MICAL2: variants seen among roughly 807,000 people sequenced by gnomAD.
MICAL2 encodes the protein microtubule associated monooxygenase, calponin and LIM domain containing 2.
MICAL2 carries 77 observed loss-of-function variants against 127.3 expected under a neutral mutation model. The ratio of observed to expected loss-of-function variants is 0.60; its 90% CI spans 0.50 to 0.73. The LOEUF (loss-of-function observed/expected upper bound fraction) is 0.73. MICAL2 is among the 30% of genes least tolerant of loss of function. The probability of loss-of-function intolerance (pLI) is 0.00; values close to 1 mark genes in which losing one functional copy is unlikely to be tolerated. For synonymous variants in MICAL2, 570 were observed against 551.1 expected, an observed-to-expected ratio of 1.03 and a Z score of -0.48; for missense variants, 1,351 against 1,434.4, an observed-to-expected ratio of 0.94 and a Z score of 0.94.
chr11:12,319,121 T>C (rs991467924), intron 29 of MICAL2, among the ~76,000 whole-genome samples: 2 of 152,168 alleles, frequency 1.3e-5, no homozygotes, highest in Non-Finnish European at 1.5e-5. Context: ...CTTAGAGTCC[T>C]TTTGCTTCTG....
Position 12,316,333 on chromosome 11 carries a change from CA to C in MICAL2, c.5213-3361del, listed in dbSNP as rs1186578594. On this transcript the variant is annotated intron_variant, in intron 29 of 34. Transcript: ENST00000646065. Reference sequence around the variant, plus strand: ...ATATCTTTTGATTTCTTTGTGTCTTCAATTTCTTTTATTAATGTTTTATGAT... The same window carrying C: ...ATATCTTTTGATTTCTTTGTGTCTTCATTTCTTTTATTAATGTTTTATGAT... 4.0e-5 allele frequency among the ~76,000 whole-genome samples: 6 copies of C among 151,090 alleles called. No homozygotes were observed. In the East Asian group the frequency reaches 1.2e-3, roughly 29 times the overall value.
In MICAL2 at chr11:12,330,979, G is replaced by C. The variant is rs531670495; in HGVS notation, c.5515+3713G>C. On this transcript the variant is annotated intron_variant, in intron 32 of 34. Coordinates refer to the MICAL2 transcript ENST00000646065. Reference sequence around the variant, plus strand: ...TGTGATGTCTTTGACAGAGGTAAGAGAGTCCCCTCTTGGTCCTAGCTGCCC... The same window carrying C: ...TGTGATGTCTTTGACAGAGGTAAGACAGTCCCCTCTTGGTCCTAGCTGCCC... Among the ~76,000 whole-genome samples the C allele has an allele frequency of 5.7e-4, 87 of 151,960 alleles. 1 individual carries two copies. The highest frequency in any genetic ancestry group is 5.7e-4 in the Non-Finnish European group (39 of 67,964).
intron 2 of MICAL2, among the ~76,000 whole-genome samples, 165 bp downstream of exon 2, chr11:12,138,625 G>C (rs747759807): frequency 6.6e-6 from 1 of 152,182 alleles, no homozygotes; most frequent in Non-Finnish European, 1.5e-5. Context: ...CACTCCCCTA[G>C]CGCTGTGTTC....
rs1237091928 is a variant in MICAL2, at chr11:12,131,225, G to A, written c.-148-7165G>A. On this transcript the variant is annotated intron_variant, in intron 1 of 27. Coordinates refer to ENST00000683283, the MANE Select transcript of MICAL2 (RefSeq NM_001282663.2). ...GGAGAATGGCGTGAACCCGGGAGGCGGAGCTTGCAGTGAGCCGAGATTGCG... is the reference window on the plus strand; with the variant it reads ...GGAGAATGGCGTGAACCCGGGAGGCAGAGCTTGCAGTGAGCCGAGATTGCG... Among the ~76,000 whole-genome samples the A allele has an allele frequency of 2.1e-4, 8 of 38,164 alleles. 4 individuals are homozygous for A. Among genetic ancestry groups the A allele is most frequent in the Non-Finnish European group, 6.7e-4 (8 of 11,888 alleles). The allele number at this position is 38,164 out of a possible 152,430, so 25.0% of individuals were successfully genotyped here.
At chr11:12,301,105 A>C (rs1864041442) in intron 29 of MICAL2, among the ~76,000 whole-genome samples, 1 of 152,208 alleles carries the variant, frequency 6.6e-6, no homozygotes, top group African/African-American at 2.4e-5. Flanking sequence ...GAAGATGTGA[A>C]AGAGTAAACC....
At chr11:12,341,503 C>T (rs950235087) in intron 32 of MICAL2, among the ~76,000 whole-genome samples, 4 of 151,892 alleles carry the variant, frequency 2.6e-5, no homozygotes, top group South Asian at 2.1e-4. Context: ...ATAAATAGAT[C>T]GTTTTTTTTC....
intron 2 of MICAL2, among the ~76,000 whole-genome samples, chr11:12,155,467 T>G (rs1170898569): frequency 6.6e-6 from 1 of 152,104 alleles, no homozygotes; most frequent in African/African-American, 2.4e-5. Flanking sequence ...TACACATACA[T>G]GTACACATGT....
At chr11:12,198,059 G>A (rs190204139) in intron 3 of MICAL2, among the ~76,000 whole-genome samples, 3 of 152,292 alleles carry the variant, frequency 2.0e-5, no homozygotes, top group African/African-American at 7.2e-5. Flanking sequence ...CTTTCCCAGA[G>A]CAGCACTTGA....
At chr11:12,279,319 G>A (rs866464346) in intron 1 of MICAL2, among the ~76,000 whole-genome samples, 73 of 152,312 alleles carry the variant, frequency 4.8e-4, no homozygotes, top group African/African-American at 1.7e-3. Flanking sequence ...GAGTGAACGA[G>A]TAGATGTGGG....
intron 3 of MICAL2, among the ~76,000 whole-genome samples, chr11:12,200,205 C>T (rs1470558574): frequency 2.0e-5 from 3 of 152,178 alleles, no homozygotes; most frequent in Admixed American, 1.3e-4. Flanking sequence ...ATATGACCCG[C>T]AGAGCTGGTT....
At chr11:12,179,799 C>T (rs963692396) in intron 3 of MICAL2, among the ~76,000 whole-genome samples, 2 of 152,224 alleles carry the variant, frequency 1.3e-5, no homozygotes, top group South Asian at 2.1e-4. Context: ...GTTATGATAA[C>T]TTAATGCTGA....
At chr11:12,216,580 CTT>C (rs1856184662) in intron 8 of MICAL2, among the ~76,000 whole-genome samples, 1 of 152,166 alleles carries the variant, frequency 6.6e-6, no homozygotes, top group Non-Finnish European at 1.5e-5. Context: ...TCAACTGAGT[CTT>C]TTCCTTCCCA....
intron 6 of MICAL2, among the ~76,000 whole-genome samples, chr11:12,211,641 G>A (rs181657250): frequency 3.9e-5 from 6 of 152,172 alleles, no homozygotes. Flanking sequence ...GACTAGGAGG[G>A]AGACACACTG....
intron 2 of MICAL2, among the ~76,000 whole-genome samples, chr11:12,144,536 G>A (rs980756668): frequency 6.6e-6 from 1 of 152,184 alleles, no homozygotes; most frequent in African/African-American, 2.4e-5. Context: ...GTGGCCTGGA[G>A]AGGCAGCGTT....
At chr11:12,323,810 A>G (rs1864326393) in intron 30 of MICAL2, among the ~76,000 whole-genome samples, 1 of 152,184 alleles carries the variant, frequency 6.6e-6, no homozygotes, top group South Asian at 2.1e-4. Context: ...AGCCACAGCT[A>G]TAGGTTATTT....
chr11:12,353,403 G>C (rs1294598695), intron 33 of MICAL2, among the ~76,000 whole-genome samples: 1 of 152,126 alleles, frequency 6.6e-6, no homozygotes, highest in African/African-American at 2.4e-5. Flanking sequence ...TTCTTCCCTG[G>C]CTACCTTTTT....
At chr11:12,148,293 A>G (rs1853175271) in intron 2 of MICAL2, among the ~76,000 whole-genome samples, 2 of 152,140 alleles carry the variant, frequency 1.3e-5, no homozygotes, top group Admixed American at 6.5e-5. Context: ...GAGAAGTAAG[A>G]CAGAGACTTG....
intron 33 of MICAL2, among the ~76,000 whole-genome samples, chr11:12,350,286 G>C (rs528382557): frequency 7.2e-5 from 11 of 152,278 alleles, no homozygotes; most frequent in African/African-American, 2.4e-4. Flanking sequence ...TCTGGCCTCT[G>C]AGTGTAAATC....
intron 3 of MICAL2, among the ~76,000 whole-genome samples, chr11:12,169,448 T>A (rs1223605841): frequency 6.6e-6 from 1 of 152,142 alleles, no homozygotes; most frequent in Non-Finnish European, 1.5e-5. Context: ...TGCAGTGGCA[T>A]GATCTCAGCT....
Sources: gnomAD v4.1 joint callset for allele counts (sites outside exome capture counted in the v4.1 genomes callset) on GRCh38, gnomAD v4.1.1 for gene constraint, MANE v1.5 for transcripts, NCBI Gene and HGNC (gene_info 2026-07-23, HGNC 2026-07-21) for gene names.